The following ESRRB variants were observed in gnomAD, a reference collection of about 807,000 sequenced individuals.
The protein encoded by ESRRB is estrogen related receptor beta.
ESRRB carries 16 observed loss-of-function variants against 46.0 expected under a neutral mutation model. That is an observed-to-expected ratio of 0.35 (90% CI 0.24 to 0.53). ESRRB has a LOEUF of 0.53. ESRRB is among the 20% of genes least tolerant of loss of function. ESRRB has a pLI of 0.93. For synonymous variants in ESRRB, 246 were observed against 259.6 expected (o/e 0.95, Z 0.50); for missense variants, 488 against 607.4 (o/e 0.80, Z 2.07).
At chr14:76,357,344 G>A (rs757161295) in intron 1 of ESRRB, among the ~76,000 whole-genome samples, 11 of 152,084 alleles carry the variant, frequency 7.2e-5, no homozygotes, top group African/African-American at 2.2e-4. Flanking sequence ...ATTTCTCCTC[G>A]GACAGCTGAT....
intron 1 of ESRRB, among the ~76,000 whole-genome samples, chr14:76,332,451 C>A (rs1158213865): frequency 1.8e-5 from 2 of 114,176 alleles, no homozygotes; most frequent in Non-Finnish European, 3.4e-5. Flanking sequence ...GGGTGCACCA[C>A]CATATATATA....
rs1300057560 is a variant in ESRRB at position 76,499,825 on chromosome 14, C to G, written c.*1367C>G. On this transcript the variant is annotated 3_prime_UTR_variant, in exon 7 of 7. Transcript: ENST00000644823. ...GGATGGCCGTGAAAGTTTTCACTAA[C>G]TCAAGGGGCAGCCCTGAACACCCAT... The G allele has an allele frequency of 1.9e-6, 3 of 1,574,444 alleles. No individual in the cohort carries two copies. Among genetic ancestry groups the G allele is most frequent in the African/African-American group, 2.7e-5 (2 of 74,152 alleles).
At chr14:76,321,389 T>C (rs1286690667) in intron 1 of ESRRB, among the ~76,000 whole-genome samples, 1 of 152,234 alleles carries the variant, frequency 6.6e-6, no homozygotes, top group African/African-American at 2.4e-5. Context: ...AAATCTCGTA[T>C]TTTCTTTAAC....
At chr14:76,483,201 G>A (rs1285189239) in intron 5 of ESRRB, among the ~76,000 whole-genome samples, 3 of 152,150 alleles carry the variant, frequency 2.0e-5, no homozygotes, top group African/African-American at 7.2e-5. Context: ...GAATCAGATC[G>A]GGATTCCAAT....
intron 2 of ESRRB, among the ~76,000 whole-genome samples, chr14:76,455,943 C>A (rs918211271): frequency 6.6e-6 from 1 of 151,434 alleles, no homozygotes; most frequent in African/African-American, 2.4e-5. Flanking sequence ...ACTCAGGAGG[C>A]TGAGTAGGAG....
intron 2 of ESRRB, among the ~76,000 whole-genome samples, chr14:76,440,589 C>T (rs1460334502): frequency 6.7e-6 from 1 of 149,294 alleles, no homozygotes; most frequent in Non-Finnish European, 1.5e-5. Context: ...TCCTCCCTTC[C>T]TCTCTCTCTC....
chr14:76,332,721 A>ATATATATTTATATAT (rs1420900381), intron 1 of ESRRB, among the ~76,000 whole-genome samples: 2 of 25,166 alleles, frequency 7.9e-5, no homozygotes, highest in African/African-American at 4.2e-4. Flanking sequence ...TTTATATATT[A>ATATATATTTATATAT]TATATATTTA....
intron 1 of ESRRB, among the ~76,000 whole-genome samples, chr14:76,380,917 A>G (rs1002472342): frequency 6.6e-6 from 1 of 152,234 alleles, no homozygotes; most frequent in Non-Finnish European, 1.5e-5. Context: ...CTTCCTGAAC[A>G]TCCTGCCTGT....
intron 2 of ESRRB, among the ~76,000 whole-genome samples, chr14:76,459,157 A>G (rs528502305): frequency 5.3e-4 from 81 of 152,272 alleles, no homozygotes; most frequent in African/African-American, 1.9e-3. Context: ...TCTATCTTAC[A>G]GATGAGAAAA....
intron 6 of ESRRB, among the ~76,000 whole-genome samples, chr14:76,493,290 G>T (rs1890297207): frequency 6.6e-6 from 1 of 152,124 alleles, no homozygotes; most frequent in East Asian, 1.9e-4. Context: ...GAGTAGCTGG[G>T]ACTACATGCG....
At chr14:76,436,155 GA>G (rs1887665304) in intron 1 of ESRRB, among the ~76,000 whole-genome samples, 1 of 152,176 alleles carries the variant, frequency 6.6e-6, no homozygotes, top group Non-Finnish European at 1.5e-5. Flanking sequence ...AGCGGAAGAG[GA>G]AACCAAGGCT....
intron 2 of ESRRB, among the ~76,000 whole-genome samples, chr14:76,448,788 A>C (rs961053383): frequency 1.3e-5 from 2 of 152,202 alleles, no homozygotes; most frequent in East Asian, 1.9e-4. Flanking sequence ...GCCAGTTTGC[A>C]TATGTGTAAA....
At chr14:76,342,158 A>C (rs935524254) in intron 1 of ESRRB, among the ~76,000 whole-genome samples, 1 of 152,190 alleles carries the variant, frequency 6.6e-6, no homozygotes, top group African/African-American at 2.4e-5. Context: ...GGGCTAACAC[A>C]CAGGCCCTAT....
intron 1 of ESRRB, among the ~76,000 whole-genome samples, chr14:76,422,141 C>CCTACCT (rs1886985105): frequency 6.6e-6 from 1 of 151,964 alleles, no homozygotes; most frequent in African/African-American, 2.4e-5. Flanking sequence ...GGGAGTGACC[C>CCTACCT]CTACCTCTGC....
chr14:76,460,678 G>A (rs1295896296), intron 2 of ESRRB, among the ~76,000 whole-genome samples: 1 of 151,060 alleles, frequency 6.6e-6, no homozygotes, highest in African/African-American at 2.5e-5. Flanking sequence ...GTACTGTGAT[G>A]TGCTGTTCTT....
intron 1 of ESRRB, among the ~76,000 whole-genome samples, chr14:76,397,099 T>C (rs546100803): frequency 1.1e-4 from 17 of 152,390 alleles, no homozygotes; most frequent in Non-Finnish European, 2.1e-4. Context: ...CTGGCTTTTC[T>C]GTGTGTCTTC....
Position 76,318,702 on chromosome 14 carries a change from A to G in ESRRB, c.2+7786A>G, listed in dbSNP as rs928627294. ...AAGTCCCTTGAATAGTACCTGCTGG[A>G]TAATAAACCCTCAAAGCCACTGCTG... On this transcript the variant is annotated intron_variant, in intron 1 of 6. Transcript: ENST00000512784. Among the ~76,000 whole-genome samples, 12 of 152,316 alleles carry G rather than the reference A, an allele frequency of 7.9e-5. 1 individual carries two copies. In the South Asian group the frequency reaches 2.5e-3, roughly 32 times the overall value.
chr14:76,486,345 C>T (rs1053830409), intron 5 of ESRRB, among the ~76,000 whole-genome samples: 7 of 152,174 alleles, frequency 4.6e-5, no homozygotes, highest in Admixed American at 4.6e-4. Flanking sequence ...TCCCCAGAGG[C>T]CTCCTCACAA....
At chr14:76,327,835 C>G (rs965103339) in intron 1 of ESRRB, among the ~76,000 whole-genome samples, 2 of 152,012 alleles carry the variant, frequency 1.3e-5, no homozygotes, top group Admixed American at 6.5e-5. Flanking sequence ...TCCCGAGTAA[C>G]TGGGATTATA....
Sources: gnomAD v4.1 joint callset for allele counts (sites outside exome capture counted in the v4.1 genomes callset) on GRCh38, gnomAD v4.1.1 for gene constraint, MANE v1.5 for transcripts, NCBI Gene and HGNC (gene_info 2026-07-23, HGNC 2026-07-21) for gene names.